PTPRM: variants seen among roughly 807,000 people sequenced by gnomAD.
PTPRM encodes the protein protein tyrosine phosphatase receptor type M.
Under a neutral mutation model 186.7 loss-of-function variants are expected in PTPRM, and 47 were observed. That is an observed-to-expected ratio of 0.25 (90% CI 0.20 to 0.32). The LOEUF (loss-of-function observed/expected upper bound fraction) is 0.32. PTPRM is among the 10% of genes least tolerant of loss of function. The pLI is 1.00. For synonymous variants in PTPRM, 668 were observed against 674.9 expected (o/e 0.99, Z 0.16); for missense variants, 1,494 against 1,865.0 (o/e 0.80, Z 3.66).
At chr18:8,401,139 G>C (rs1349242267) in intron 32 of PTPRM, among the ~76,000 whole-genome samples, 5 of 151,914 alleles carry the variant, frequency 3.3e-5, no homozygotes, top group Non-Finnish European at 4.4e-5. Flanking sequence ...CATTTTCTGA[G>C]TGACTGAACC....
At position 8,370,968 on chromosome 18, in the gene PTPRM, C is replaced by G; in HGVS notation, c.3133C>G (p.Leu1045Val). ...AGTTACCCTAATAGAAACAGAACTA[C>G]TGGCAGAATATGTGATAAGAACATT... ...IKVTLIETEL[L>V]AEYVIRTFAV... The change falls in exon 24 of 33, where the codon CTG becomes GTG. Residue 1045 changes from leucine to valine, a missense_variant. Leu to Val is a conservative substitution (Grantham distance 32). Coordinates refer to ENST00000580170, the MANE Select transcript of PTPRM (RefSeq NM_001105244.2). The G allele has an allele frequency of 1.2e-6, 2 of 1,603,442 alleles. No individual in the cohort carries two copies. The highest frequency in any genetic ancestry group is 1.7e-6 in the Non-Finnish European group (2 of 1,171,480).
intron 7 of PTPRM, among the ~76,000 whole-genome samples, chr18:8,005,209 C>T (rs914492388): frequency 6.6e-6 from 1 of 152,076 alleles, no homozygotes; most frequent in African/African-American, 2.4e-5. Flanking sequence ...TTAAGGAATG[C>T]CCTTTGATAT....
intron 1 of PTPRM, among the ~76,000 whole-genome samples, chr18:7,716,812 A>G (rs988175085): frequency 6.6e-6 from 1 of 152,344 alleles, no homozygotes; most frequent in African/African-American, 2.4e-5. Context: ...GGCAATCATT[A>G]AAAAGTCAGG....
At chr18:8,309,276 A>G (rs2095250015) in intron 20 of PTPRM, among the ~76,000 whole-genome samples, 1 of 152,202 alleles carries the variant, frequency 6.6e-6, no homozygotes, top group Non-Finnish European at 1.5e-5. Flanking sequence ...TTCCACCAGC[A>G]GAATCTGTGA....
chr18:7,915,975 A>G (rs191768674), intron 4 of PTPRM, among the ~76,000 whole-genome samples: 192 of 152,348 alleles, frequency 1.3e-3, no homozygotes, highest in African/African-American at 4.4e-3. Flanking sequence ...TCTCACAGTC[A>G]TTTTGTTAAG....
intron 1 of PTPRM, among the ~76,000 whole-genome samples, chr18:7,726,298 C>T (rs940610898): frequency 3.9e-5 from 6 of 152,076 alleles, no homozygotes; most frequent in Admixed American, 1.3e-4. Flanking sequence ...CTTTCAAAAA[C>T]GTTTTCAGAT....
chr18:7,589,453 C>A (rs1051945236), intron 1 of PTPRM, among the ~76,000 whole-genome samples: 2 of 152,138 alleles, frequency 1.3e-5, no homozygotes, highest in South Asian at 4.1e-4. Flanking sequence ...CTGGGACTCT[C>A]ATACTCATGG....
At chr18:7,946,097 G>C (rs553633018) in intron 5 of PTPRM, among the ~76,000 whole-genome samples, 1 of 152,226 alleles carries the variant, frequency 6.6e-6, no homozygotes, top group African/African-American at 2.4e-5. Context: ...ATTTTATAGG[G>C]CCCATCTGTG....
At chr18:7,915,823 A>G (rs1292313120) in intron 4 of PTPRM, among the ~76,000 whole-genome samples, 1 of 152,220 alleles carries the variant, frequency 6.6e-6, no homozygotes, top group African/African-American at 2.4e-5. Flanking sequence ...CCACCTGAAA[A>G]TGGTTGTAGG....
At chr18:7,590,355 TG>T (rs2037092674) in intron 1 of PTPRM, among the ~76,000 whole-genome samples, 1 of 152,170 alleles carries the variant, frequency 6.6e-6, no homozygotes, top group Admixed American at 6.6e-5. Flanking sequence ...CATTGATCAG[TG>T]GCTGTTCCCA....
At chr18:7,807,716 T>C (rs1337213755) in intron 2 of PTPRM, among the ~76,000 whole-genome samples, 1 of 152,228 alleles carries the variant, frequency 6.6e-6, no homozygotes, top group African/African-American at 2.4e-5. Context: ...CATAGCATAA[T>C]TGGCTAAGAC....
chr18:7,723,389 C>A (rs1272581238), intron 1 of PTPRM, among the ~76,000 whole-genome samples: 1 of 152,116 alleles, frequency 6.6e-6, no homozygotes, highest in Non-Finnish European at 1.5e-5. Context: ...CCTAATAGAT[C>A]AGAAAACATT....
At chr18:7,927,967 C>T (rs1041165551) in intron 5 of PTPRM, among the ~76,000 whole-genome samples, 11 of 152,200 alleles carry the variant, frequency 7.2e-5, no homozygotes, top group African/African-American at 2.6e-4. Flanking sequence ...GTCTCAAACT[C>T]CTAGCCTCAA....
chr18:8,403,773 T>A (rs1343441634), intron 32 of PTPRM: 2 of 152,190 alleles, frequency 1.3e-5, no homozygotes, highest in East Asian at 3.9e-4. Flanking sequence ...GCTTCCAGTC[T>A]TTATAGATTT....
intron 20 of PTPRM, among the ~76,000 whole-genome samples, chr18:8,306,164 T>C (rs888596172): frequency 2.0e-5 from 3 of 152,218 alleles, no homozygotes; most frequent in South Asian, 2.1e-4. Context: ...CCCAAAGTGC[T>C]GGGATTACAG....
chr18:8,183,081 T>C (rs1273634163), intron 14 of PTPRM, among the ~76,000 whole-genome samples: 1 of 152,254 alleles, frequency 6.6e-6, no homozygotes, highest in Non-Finnish European at 1.5e-5. Context: ...ACAGCACTTA[T>C]AATTAGATAA....
At chr18:7,972,479 TAA>T (rs11445031) in intron 7 of PTPRM, among the ~76,000 whole-genome samples, 9 of 44,360 alleles carry the variant, frequency 2.0e-4, no homozygotes, top group African/African-American at 7.0e-4. Flanking sequence ...AAAAAAACAT[TAA>T]AAAAAAAAAA....
rs1210606907 is a variant in PTPRM, at chr18:8,143,735, G to A, written c.2256G>A (p.Leu752=). 2 of 1,614,108 alleles carry A rather than the reference G, an allele frequency of 1.2e-6. No individual in the cohort carries two copies. Among genetic ancestry groups the A allele is most frequent in the Non-Finnish European group, 1.7e-6 (2 of 1,179,956 alleles). ...KIAGVIAGIL[L]FVIIFLGVVL... is the part of the protein sequence containing the mutation. ...CTGGAGTCATCGCGGGCATCTTGCT[G>A]TTCGTGATTATATTTCTTGGAGTTG... Residue 752 remains leucine, a synonymous_variant, in exon 14 of 33, where the codon CTG becomes CTA. Transcript: ENST00000580170.
At chr18:7,574,929 A>G (rs1353254499) in intron 1 of PTPRM, among the ~76,000 whole-genome samples, 1 of 152,116 alleles carries the variant, frequency 6.6e-6, no homozygotes, top group African/African-American at 2.4e-5. Flanking sequence ...CTACTCCGGA[A>G]GCTGAGGCAG....
Sources: gnomAD v4.1 joint callset for allele counts (sites outside exome capture counted in the v4.1 genomes callset) on GRCh38, gnomAD v4.1.1 for gene constraint, MANE v1.5 for transcripts, NCBI Gene and HGNC (gene_info 2026-07-23, HGNC 2026-07-21) for gene names.